The following NLRP11 variants were observed in gnomAD, a reference collection of about 807,000 sequenced individuals.
NLRP11 encodes the protein NLR family pyrin domain containing 11.
NLRP11 carries 53 observed loss-of-function variants against 79.3 expected under a neutral mutation model. The ratio of observed to expected loss-of-function variants is 0.67; its 90% CI spans 0.54 to 0.84. NLRP11 has a LOEUF of 0.84. Among genes scored for constraint, NLRP11 ranks in the 40% least tolerant of loss-of-function variants. NLRP11 has a pLI of 0.00. For missense variants in NLRP11, 1,264 were observed against 1,255.0 expected, an observed-to-expected ratio of 1.01 and a Z score of -0.11; for synonymous variants, 518 against 462.6, an observed-to-expected ratio of 1.12 and a Z score of -1.54.
At chr19:55,789,095 T>G (rs1990081454) in intron 8 of NLRP11, 118 bp from the exon 9 acceptor site, 1 of 1,395,404 alleles carries the variant, frequency 7.2e-7, no homozygotes, top group South Asian at 1.3e-5. Context: ...AAGAACTGAC[T>G]GTGCAATAAG....
intron 9 of NLRP11, among the ~76,000 whole-genome samples, chr19:55,787,602 GC>G (rs995950572): frequency 2.3e-4 from 35 of 152,298 alleles, no homozygotes; most frequent in African/African-American, 8.2e-4. Context: ...CTTCCAAAGT[GC>G]TGGAATTACA....
intron 9 of NLRP11, among the ~76,000 whole-genome samples, chr19:55,788,334 A>C (rs57025346): frequency 0.09 from 13,637 of 151,530 alleles, 1,398 homozygotes; most frequent in African/African-American, 0.25. Context: ...AGAACGAGGC[A>C]TACATTTTCA....
intron 1 of NLRP11, among the ~76,000 whole-genome samples, chr19:55,819,484 G>A (rs1981477336): frequency 6.6e-6 from 1 of 152,168 alleles, no homozygotes; most frequent in African/African-American, 2.4e-5. Context: ...TTGCCGAGTT[G>A]TGACTAAAGA....
At chr19:55,789,037 G>C in intron 8 of NLRP11, 60 bp from the exon 9 acceptor site, 1 of 1,583,556 alleles carries the variant, frequency 6.3e-7, no homozygotes, top group South Asian at 1.1e-5. Flanking sequence ...TGGCAGATGA[G>C]ATGGGTGAGA....
At chr19:55,789,580 C>T (rs1990115700) in intron 7 of NLRP11, among the ~76,000 whole-genome samples, 181 bp from the exon 8 acceptor site, 1 of 152,190 alleles carries the variant, frequency 6.6e-6, no homozygotes. Context: ...GTTCAAAACT[C>T]CTAATGCACA....
At chr19:55,796,282 T>A in intron 5 of NLRP11, 32 bp from the exon 6 acceptor site, 2 of 1,548,254 alleles carry the variant, frequency 1.3e-6, no homozygotes, top group East Asian at 2.3e-5. Context: ...GAAAAGAGGC[T>A]CCCGCGTTTA....
At chr19:55,830,827 C>T (rs995129694) in intron 1 of NLRP11, among the ~76,000 whole-genome samples, 2 of 152,100 alleles carry the variant, frequency 1.3e-5, no homozygotes, top group Admixed American at 6.5e-5. Context: ...CAGCATTGCA[C>T]GTCCCAAGTC....
chr19:55,803,702 C>T (rs1284851247), intron 4 of NLRP11, among the ~76,000 whole-genome samples: 3 of 152,296 alleles, frequency 2.0e-5, no homozygotes, highest in African/African-American at 7.2e-5. Flanking sequence ...TGAAAACAAG[C>T]TCAATGTCAC....
At chr19:55,789,355 G>A (rs1339392958) in exon 8 of NLRP11, 1 of 1,613,974 alleles carries the variant, frequency 6.2e-7, no homozygotes, top group East Asian at 2.2e-5. Context: ...AATAACTATG[G>A]CAATATATTG....
At chr19:55,823,833 C>T (rs898376287) in intron 1 of NLRP11, among the ~76,000 whole-genome samples, 7 of 147,774 alleles carry the variant, frequency 4.7e-5, no homozygotes, top group Non-Finnish European at 7.4e-5. Context: ...AGTTGGAAAA[C>T]GCTCTGCAGG....
At chr19:55,797,208 C>T (rs566581922) in intron 5 of NLRP11, among the ~76,000 whole-genome samples, 8 of 152,048 alleles carry the variant, frequency 5.3e-5, no homozygotes, top group African/African-American at 1.7e-4. Flanking sequence ...CTGAGGTGGG[C>T]GGATCACTTG....
At chr19:55,811,970 TACACACACACAC>T (rs3973377) in intron 2 of NLRP11, among the ~76,000 whole-genome samples, 21 of 149,214 alleles carry the variant, frequency 1.4e-4, no homozygotes, top group African/African-American at 3.2e-4. Context: ...TTCACACATG[TACACACACACAC>T]ACACACACAC....
chr19:55,823,553 C>T (rs1474272747), intron 1 of NLRP11, among the ~76,000 whole-genome samples: 1 of 139,706 alleles, frequency 7.2e-6, no homozygotes, highest in African/African-American at 2.8e-5. Context: ...ATAACCAATA[C>T]AGAGAAGTGC....
intron 4 of NLRP11, among the ~76,000 whole-genome samples, chr19:55,803,432 C>G (rs1044343943): frequency 2.0e-5 from 3 of 152,124 alleles, no homozygotes; most frequent in Admixed American, 1.3e-4. Flanking sequence ...ATACCAAGAA[C>G]AATTGCAACA....
At chr19:55,799,716 G>A (rs1979288411) in intron 5 of NLRP11, among the ~76,000 whole-genome samples, 1 of 152,062 alleles carries the variant, frequency 6.6e-6, no homozygotes, top group South Asian at 2.1e-4. Flanking sequence ...AAGAAAGTGA[G>A]GGGCTGGGTG....
In NLRP11 at chr19:55,785,653, G is replaced by C; in HGVS notation, c.3074C>G (p.Ser1025Ter). 6.2e-7 allele frequency: 1 copy of C among 1,613,914 alleles called. No homozygotes were observed. Among genetic ancestry groups the C allele is most frequent in the South Asian group, 1.1e-5 (1 of 91,052 alleles). ...AAGGGGTTGCCTAGATGCTGTATTT[G>C]ACGTTCTCATGGCTGCAGACATTCT... Residue 1025 changes from serine to a stop codon, truncating the protein, a stop_gained, in exon 10 of 10, where the codon TCA (serine) becomes TGA (stop). Transcript: ENST00000589093. LOFTEE classifies it high-confidence loss of function.
intron 5 of NLRP11, among the ~76,000 whole-genome samples, chr19:55,798,746 A>ACAC (rs1568631403): frequency 1.4e-5 from 2 of 143,980 alleles, no homozygotes; most frequent in African/African-American, 5.9e-5. Context: ...ACACACACAC[A>ACAC]CACACTCACA....
intron 6 of NLRP11, among the ~76,000 whole-genome samples, chr19:55,792,796 G>A (rs60771463): frequency 0.025 from 3,776 of 152,164 alleles, 52 homozygotes; most frequent in Middle Eastern, 0.071. Context: ...TTGAATCCTA[G>A]GATTTTCAGT....
At chr19:55,808,720 G>C (rs1486668944) in intron 3 of NLRP11, 49 bp downstream of exon 3, 1 of 1,521,662 alleles carries the variant, frequency 6.6e-7, no homozygotes, top group African/African-American at 1.4e-5. Flanking sequence ...TAGAATTATG[G>C]GCAGGTCTTA....
Sources: allele counts gnomAD v4.1 joint callset (sites outside exome capture counted in the v4.1 genomes callset), GRCh38; gene constraint gnomAD v4.1.1; transcripts MANE v1.5; gene names NCBI Gene and HGNC (gene_info 2026-07-23, HGNC 2026-07-21).